SLIT3: variants seen among roughly 807,000 people sequenced by gnomAD.
SLIT3 encodes the protein slit guidance ligand 3, also known as slit homolog 3 protein.
A neutral mutation model predicts 184.0 loss-of-function variants in SLIT3; 68 were observed. The ratio of observed to expected loss-of-function variants is 0.37; its 90% confidence interval spans 0.30 to 0.45. The LOEUF (loss-of-function observed/expected upper bound fraction) is 0.45, where lower values mean the gene tolerates loss of function less well. Ranked by LOEUF, SLIT3 falls within the 20% of genes least tolerant of loss-of-function variation. The pLI is 1.00. For synonymous variants in SLIT3, 831 were observed against 828.6 expected (o/e 1.00, Z -0.05); for missense variants, 1,707 against 2,026.0 (o/e 0.84, Z 3.02).
At chr5:169,271,087 ATGG>A (rs1247381584) in intron 1 of SLIT3, among the ~76,000 whole-genome samples, 1 of 152,196 alleles carries the variant, frequency 6.6e-6, no homozygotes, top group Non-Finnish European at 1.5e-5. Context: ...CATCATGTGA[ATGG>A]TGGCCCAGGA....
intron 4 of SLIT3, among the ~76,000 whole-genome samples, chr5:168,954,784 TAAAG>T (rs1233354088): frequency 2.0e-5 from 3 of 152,142 alleles, no homozygotes; most frequent in African/African-American, 7.2e-5. Flanking sequence ...AACTGATGAG[TAAAG>T]AGATTGTTTA....
chr5:168,999,175 C>A (rs1476434222), intron 4 of SLIT3, among the ~76,000 whole-genome samples: 1 of 151,932 alleles, frequency 6.6e-6, no homozygotes, highest in Non-Finnish European at 1.5e-5. Flanking sequence ...CTCTACCACC[C>A]AAAGCGCTGG....
chr5:169,205,727 T>G (rs1174992577), intron 3 of SLIT3, among the ~76,000 whole-genome samples: 1 of 152,262 alleles, frequency 6.6e-6, no homozygotes, highest in African/African-American at 2.4e-5. Context: ...AGTTGCGTGC[T>G]GCTGCCCAAG....
intron 4 of SLIT3, among the ~76,000 whole-genome samples, chr5:169,177,846 C>T (rs541566534): frequency 6.6e-6 from 1 of 152,328 alleles, no homozygotes; most frequent in East Asian, 1.9e-4. Flanking sequence ...TTTCTCTTCC[C>T]TTCCTTTGGA....
chr5:168,800,983 C>T lies in SLIT3; in HGVS notation c.936-5405G>A, dbSNP rs569837818. On this transcript the variant is annotated intron_variant, in intron 9 of 35. Coordinates refer to ENST00000519560, the MANE Select transcript of SLIT3 (RefSeq NM_003062.4). Reference sequence around the variant, plus strand: ...TCCATGTTATGTTATTTAATCTTCACGGGAGATTTCTAGGTAGGTATGATG... The same window carrying T: ...TCCATGTTATGTTATTTAATCTTCATGGGAGATTTCTAGGTAGGTATGATG... Among the ~76,000 whole-genome samples the T allele has an allele frequency of 4.0e-5, 6 of 150,484 alleles. No individual in the cohort carries two copies. In the South Asian group the frequency reaches 8.4e-4, roughly 21 times the overall value.
intron 4 of SLIT3, among the ~76,000 whole-genome samples, chr5:169,101,709 C>G (rs1247522795): frequency 6.6e-6 from 1 of 152,208 alleles, no homozygotes; most frequent in East Asian, 1.9e-4. Flanking sequence ...CCACTCGCTA[C>G]CCCTCTCTGG....
At position 168,712,194 on chromosome 5, in the gene SLIT3, G is replaced by A. The variant is rs1314231418; in HGVS notation, c.2555+89C>T. On this transcript the variant is annotated intron_variant, in intron 24 of 35. Coordinates refer to ENST00000519560, the MANE Select transcript of SLIT3 (RefSeq NM_003062.4). ...CTGTATGCATAAGGAAAGGACATCT[G>A]CCAAAATGCTGACAGTGATGACATT... is the stretch of plus-strand genomic sequence containing the variant. 3.5e-6 allele frequency: 4 copies of A among 1,143,634 alleles called. No individual in the cohort carries two copies. In the African/African-American group the frequency reaches 4.6e-5, roughly 13 times the overall value. The allele number at this position is 1,143,634 out of a possible 1,614,324, so 70.8% of individuals were successfully genotyped here.
At chr5:169,204,909 C>T (rs1175492301) in intron 3 of SLIT3, among the ~76,000 whole-genome samples, 2 of 152,148 alleles carry the variant, frequency 1.3e-5, no homozygotes, top group East Asian at 1.9e-4. Context: ...AAGTGAGATT[C>T]GTCCACAGAA....
At chr5:168,908,185 AT>A (rs1761141772) in intron 4 of SLIT3, among the ~76,000 whole-genome samples, 1 of 152,040 alleles carries the variant, frequency 6.6e-6, no homozygotes, top group African/African-American at 2.4e-5. Context: ...TGCAGTAAGC[AT>A]TTTCCATGCT....
chr5:169,216,747 G>C (rs1410103065), intron 3 of SLIT3, among the ~76,000 whole-genome samples: 1 of 152,190 alleles, frequency 6.6e-6, no homozygotes, highest in Non-Finnish European at 1.5e-5. Flanking sequence ...TTGAGAAGCT[G>C]GAGGCAGCAC....
chr5:168,703,944 C>CAAAAA (rs70976498), intron 26 of SLIT3, among the ~76,000 whole-genome samples: 2 of 46,822 alleles, frequency 4.3e-5, no homozygotes, highest in East Asian at 7.0e-4. Flanking sequence ...ACTCTGTCTC[C>CAAAAA]AAAAAAAAAA....
chr5:168,936,304 G>A (rs139116397), intron 4 of SLIT3, among the ~76,000 whole-genome samples: 90 of 152,222 alleles, frequency 5.9e-4, no homozygotes, highest in Admixed American at 3.9e-3. Context: ...GTGCAATCTC[G>A]GCTCACTGCA....
intron 12 of SLIT3, among the ~76,000 whole-genome samples, chr5:168,783,381 A>G (rs2113568485): frequency 6.6e-6 from 1 of 151,826 alleles, no homozygotes; most frequent in South Asian, 2.1e-4. Flanking sequence ...TACATACTGG[A>G]CTGGGCAAGT....
intron 4 of SLIT3, among the ~76,000 whole-genome samples, chr5:169,009,139 A>G (rs938893175): frequency 6.6e-6 from 1 of 152,188 alleles, no homozygotes; most frequent in Admixed American, 6.5e-5. Context: ...GGAAGCAATT[A>G]TCTTAGAGCA....
chr5:169,113,050 T>G (rs1461470274), intron 4 of SLIT3, among the ~76,000 whole-genome samples: 1 of 152,174 alleles, frequency 6.6e-6, no homozygotes, highest in East Asian at 1.9e-4. Context: ...TATTTTTCAT[T>G]GTGGTGAAGT....
chr5:169,126,321 A>G (rs1761077955), intron 4 of SLIT3, among the ~76,000 whole-genome samples: 1 of 152,218 alleles, frequency 6.6e-6, no homozygotes, highest in Non-Finnish European at 1.5e-5. Flanking sequence ...GGAAAGCAGG[A>G]GAGAGAGAGG....
chr5:169,100,868 G>A (rs958783390), intron 4 of SLIT3, among the ~76,000 whole-genome samples: 1 of 152,176 alleles, frequency 6.6e-6, no homozygotes, highest in Non-Finnish European at 1.5e-5. Context: ...GCTGATGCAG[G>A]AAAATCCCAT....
chr5:168,818,535 T>C (rs1197922688), intron 7 of SLIT3, among the ~76,000 whole-genome samples: 1 of 152,226 alleles, frequency 6.6e-6, no homozygotes, highest in Non-Finnish European at 1.5e-5. Flanking sequence ...AGTGGGTAAG[T>C]TTTCATCACG....
chr5:168,842,123 G>T (rs1328903798), intron 6 of SLIT3, among the ~76,000 whole-genome samples: 1 of 152,160 alleles, frequency 6.6e-6, no homozygotes, highest in East Asian at 1.9e-4. Flanking sequence ...GTCTAGGGGT[G>T]GGGAGGGGAG....
Sources: allele counts gnomAD v4.1 joint callset (sites outside exome capture counted in the v4.1 genomes callset), GRCh38; gene constraint gnomAD v4.1.1; transcripts MANE v1.5; gene names NCBI Gene and HGNC (gene_info 2026-07-23, HGNC 2026-07-21).